Variants in CPS1 observed in about 807,000 individuals in gnomAD.
The protein encoded by CPS1 is carbamoyl-phosphate synthase [ammonia], mitochondrial.
A neutral mutation model predicts 174.6 loss-of-function variants in CPS1; 109 were observed. The ratio of observed to expected loss-of-function variants is 0.62; its 90% CI spans 0.53 to 0.73. The LOEUF (loss-of-function observed/expected upper bound fraction) is 0.73. Ranked by LOEUF, CPS1 falls within the 30% of genes least tolerant of loss-of-function variation. CPS1 has a pLI of 0.00. For synonymous variants in CPS1, 637 were observed against 632.0 expected, an observed-to-expected ratio of 1.01 and a Z score of -0.12; for missense variants, 1,689 against 1,821.9, an observed-to-expected ratio of 0.93 and a Z score of 1.33.
chr2:210,492,629 C>A (rs1452784087), intron 1 of CPS1, among the ~76,000 whole-genome samples: 1 of 151,854 alleles, frequency 6.6e-6, no homozygotes, highest in Non-Finnish European at 1.5e-5. Flanking sequence ...AGAAAGGTTA[C>A]ATACTCAGGA....
rs1696927192 is a variant in CPS1 at position 210,556,802 on chromosome 2, G to A, written c.69G>A (p.Val23=). ...AGACTGGTTTTGGCTTTACCAATGT[G>A]ACTGCACACCAAAAATGGAAATTTT... ...TLKTGFGFTN[V]TAHQKWKFSR... is the part of the protein sequence containing the mutation. Residue 23 remains valine (V), a synonymous_variant, in exon 1 of 38, where the codon GTG becomes GTA. Coordinates refer to ENST00000233072, the MANE Select transcript of CPS1 (RefSeq NM_001875.5). The A allele has an allele frequency of 6.2e-7, 1 of 1,613,146 alleles. No individual in the cohort carries two copies. Among genetic ancestry groups the A allele is most frequent in the African/African-American group, 1.3e-5 (1 of 74,960 alleles).
intron 31 of CPS1, 86 bp from the exon 32 acceptor site, chr2:210,660,399 C>T: frequency 7.4e-7 from 1 of 1,353,868 alleles, no homozygotes; most frequent in Non-Finnish European, 1.1e-6. Context: ...TTAATAACAG[C>T]TGGAAACCAG....
intron 1 of CPS1, among the ~76,000 whole-genome samples, chr2:210,483,203 T>C (rs190754731): frequency 6.9e-6 from 1 of 144,160 alleles, no homozygotes; most frequent in East Asian, 2.0e-4. Flanking sequence ...GCTGTCGCTC[T>C]GTGTGTAAAG....
At chr2:210,581,425 GA>G (rs1697919908) in intron 5 of CPS1, among the ~76,000 whole-genome samples, 1 of 152,114 alleles carries the variant, frequency 6.6e-6, no homozygotes. Flanking sequence ...CTTTATCAGT[GA>G]TGGTGGTTCA....
chr2:210,660,640 C>A lies in CPS1; in HGVS notation c.3912C>A (p.Asp1304Glu). 6.2e-7 allele frequency: 1 copy of A among 1,614,028 alleles called. No homozygotes were observed. Among genetic ancestry groups the A allele is most frequent in the Non-Finnish European group, 8.5e-7 (1 of 1,179,932 alleles). ...TGGACCATCCCATAATTCCTGCTGA[C>A]TATGTTGCAATTAAGGTAACATTTT... is the stretch of plus-strand genomic sequence containing the variant. The part of the protein sequence containing the change: ...PTLDHPIIPA[D>E]YVAIKAPMFS... Residue 1304 changes from aspartate to glutamate, a missense_variant, in exon 32 of 38, where the codon GAC (aspartate) becomes GAA (glutamate). Coordinates refer to ENST00000233072, the MANE Select transcript of CPS1 (RefSeq NM_001875.5).
chr2:210,516,603 C>A (rs913194826), intron 1 of CPS1, among the ~76,000 whole-genome samples: 2 of 151,910 alleles, frequency 1.3e-5, no homozygotes, highest in Non-Finnish European at 2.9e-5. Context: ...TCTGTAGAGC[C>A]TTTAGGACGA....
chr2:210,674,491 A>AG (rs923247118), intron 34 of CPS1: 2 of 163,540 alleles, frequency 1.2e-5, no homozygotes, highest in African/African-American at 4.8e-5. Flanking sequence ...AACCAAAAAA[A>AG]AAAAAAAGAA....
intron 1 of CPS1, among the ~76,000 whole-genome samples, chr2:210,491,307 G>GTTTTTTTTTTTTTTTTTTTTTTTT (rs66825517): frequency 4.0e-5 from 2 of 50,342 alleles, no homozygotes; most frequent in African/African-American, 2.0e-4. Context: ...TGGTATCTGT[G>GTTTTTTTTTTTTTTTTTTTTTTTT]TTTTTTTTTT....
At chr2:210,536,585 C>T (rs1441229299) in intron 1 of CPS1, among the ~76,000 whole-genome samples, 1 of 152,158 alleles carries the variant, frequency 6.6e-6, no homozygotes, top group Non-Finnish European at 1.5e-5. Flanking sequence ...CTCGGCCTCC[C>T]AAAGTGCTGG....
intron 1 of CPS1, among the ~76,000 whole-genome samples, chr2:210,522,263 T>C (rs1188168870): frequency 1.3e-5 from 2 of 152,136 alleles, no homozygotes; most frequent in South Asian, 2.1e-4. Context: ...CCAGTCAGTG[T>C]TTTATGTTTT....
intron 1 of CPS1, among the ~76,000 whole-genome samples, chr2:210,486,788 G>A (rs1462653165): frequency 6.6e-6 from 1 of 152,216 alleles, no homozygotes; most frequent in Non-Finnish European, 1.5e-5. Context: ...AGGATTATAA[G>A]TGTGAGCCAC....
chr2:210,587,719 A>G (rs2106103108), intron 6 of CPS1, among the ~76,000 whole-genome samples: 1 of 152,240 alleles, frequency 6.6e-6, no homozygotes, highest in East Asian at 1.9e-4. Flanking sequence ...ATCAGGCAAT[A>G]ATGCTTAAAC....
chr2:210,486,924 G>A (rs1694745324), intron 1 of CPS1, among the ~76,000 whole-genome samples: 2 of 152,052 alleles, frequency 1.3e-5, no homozygotes, highest in Non-Finnish European at 2.9e-5. Context: ...CCTCTTACAT[G>A]CCAATTTCTA....
At chr2:210,508,427 G>A (rs551935414) in intron 1 of CPS1, among the ~76,000 whole-genome samples, 321 of 151,870 alleles carry the variant, frequency 2.1e-3, no homozygotes, top group African/African-American at 7.5e-3. Context: ...GAGAAAGCAG[G>A]AAAGATCTAA....
At position 210,590,901 on chromosome 2, in the gene CPS1, C is replaced by A. The variant is rs774427324; in HGVS notation, c.942C>A (p.Ala314=). ...AGAKTYKMSM[A]NRGQNQPVLN... The stretch of plus-strand genomic sequence containing the variant: ...CCAAAACCTACAAGATGTCCATGGC[C>A]AACAGGTGAGGTATTTTCACTTTTG... The change falls in exon 9 of 38, where the codon GCC becomes GCA. Residue 314 remains alanine, a synonymous_variant. Coordinates refer to ENST00000233072, the MANE Select transcript of CPS1 (RefSeq NM_001875.5). 1.3e-5 allele frequency: 21 copies of A among 1,610,232 alleles called. No individual in the cohort carries two copies. The African/African-American group carries it at 1.6e-4, about 12-fold the overall frequency.
chr2:210,637,770 A>C lies in CPS1; in HGVS notation c.2756A>C (p.Lys919Thr), dbSNP rs747518680. 2 of 1,614,042 alleles carry C rather than the reference A, an allele frequency of 1.2e-6. No homozygotes were observed. Among genetic ancestry groups the C allele is most frequent in the South Asian group, 2.2e-5 (2 of 91,078 alleles). The change falls in exon 22 of 38, where the codon AAA becomes ACA. Residue 919 changes from lysine (K) to threonine (T), a missense_variant. By Grantham distance (78) the Lys-to-Thr change is moderately conservative. Coordinates refer to ENST00000233072, the MANE Select transcript of CPS1 (RefSeq NM_001875.5). Reference protein sequence around the residue: ...EIGFSDKQISKCLGLTEAQTR... With the variant: ...EIGFSDKQISTCLGLTEAQTR... ...GGGTTCTCAGATAAGCAGATTTCAA[A>C]ATGCCTTGGGCTCACTGAGGCCCAG...
intron 1 of CPS1, among the ~76,000 whole-genome samples, chr2:210,502,980 A>C (rs898927149): frequency 1.3e-5 from 2 of 152,174 alleles, no homozygotes; most frequent in South Asian, 2.1e-4. Flanking sequence ...TTTATTTGGC[A>C]GAAGACCCAG....
intron 1 of CPS1, among the ~76,000 whole-genome samples, chr2:210,525,308 CAATT>C (rs1695943168): frequency 6.6e-6 from 1 of 151,858 alleles, no homozygotes; most frequent in Admixed American, 6.6e-5. Context: ...CTCCCTCAGA[CAATT>C]AACTTATCTG....
rs150314086 is a variant in CPS1, at chr2:210,556,738, C to T, written c.5C>T (p.Thr2Met). The T allele has an allele frequency of 9.5e-5, 153 of 1,611,998 alleles. No homozygotes were observed. Among genetic ancestry groups the T allele is most frequent in the Admixed American group, 3.0e-4 (18 of 59,762 alleles). M[T>M]RILTAFKVVR... ...TTTTAGCCACAAATCATCAAAATGA[C>T]GAGGATTTTGACAGCTTTCAAAGTG... The change falls in exon 1 of 38, where the codon ACG becomes ATG. Residue 2 changes from threonine (T) to methionine (M), a missense_variant. Thr to Met is a moderately conservative substitution (Grantham distance 81). Transcript: ENST00000233072.
Sources: gnomAD v4.1 joint callset for allele counts (sites outside exome capture counted in the v4.1 genomes callset) on GRCh38, gnomAD v4.1.1 for gene constraint, MANE v1.5 for transcripts, NCBI Gene and HGNC (gene_info 2026-07-23, HGNC 2026-07-21) for gene names.